Variants in ADAMTSL1 observed in about 807,000 individuals in gnomAD.
The protein encoded by ADAMTSL1 is ADAMTS like 1, also known as ADAMTS-like protein 1.
Under a neutral mutation model 201.8 loss-of-function variants are expected in ADAMTSL1, and 126 were observed. The ratio of observed to expected loss-of-function variants is 0.62; its 90% CI spans 0.54 to 0.72. ADAMTSL1 has a LOEUF of 0.72. Among genes scored for constraint, ADAMTSL1 ranks in the 30% least tolerant of loss-of-function variants. The pLI is 0.00. For missense variants in ADAMTSL1, 2,679 were observed against 2,277.8 expected (o/e 1.18, Z -3.59); for synonymous variants, 1,121 against 903.4 (o/e 1.24, Z -4.32).
chr9:18,410,530 C>A (rs1178178406), intron 2 of ADAMTSL1, among the ~76,000 whole-genome samples: 1 of 152,156 alleles, frequency 6.6e-6, no homozygotes, highest in African/African-American at 2.4e-5. Context: ...CCAATGACAT[C>A]CATGTCCCTG....
intron 1 of ADAMTSL1, among the ~76,000 whole-genome samples, chr9:17,958,152 C>A (rs1828001310): frequency 6.6e-6 from 1 of 152,140 alleles, no homozygotes; most frequent in African/African-American, 2.4e-5. Context: ...TTACCTCTTT[C>A]CATTCAAACC....
intron 15 of ADAMTSL1, among the ~76,000 whole-genome samples, chr9:18,733,797 C>T (rs571711790): frequency 1.3e-5 from 2 of 151,922 alleles, no homozygotes; most frequent in East Asian, 1.9e-4. Context: ...TTCTCAGTCA[C>T]CTTGCCTTTT....
intron 9 of ADAMTSL1, among the ~76,000 whole-genome samples, chr9:18,667,754 T>C (rs757989562): frequency 2.6e-5 from 4 of 152,164 alleles, no homozygotes; most frequent in South Asian, 4.1e-4. Context: ...AAATCAGCTT[T>C]CTCATCCATG....
At chr9:18,171,309 A>G (rs912265126) in intron 2 of ADAMTSL1, among the ~76,000 whole-genome samples, 5 of 152,110 alleles carry the variant, frequency 3.3e-5, no homozygotes, top group African/African-American at 1.2e-4. Context: ...AGACATATTA[A>G]AAGTTTAAAT....
chr9:18,615,381 G>T lies in ADAMTSL1; in HGVS notation c.475-6862G>T, dbSNP rs566031099. 5.3e-5 allele frequency among the ~76,000 whole-genome samples: 8 copies of T among 152,326 alleles called. 1 individual carries two copies. The highest frequency in any genetic ancestry group is 3.4e-3 in the Middle Eastern group (1 of 294). ...GGGCTGAGCCCCTTCCCCTTCACTTGCTATATGTGCTTCTGAGGCACAGAT... is the reference window on the plus strand; with the variant it reads ...GGGCTGAGCCCCTTCCCCTTCACTTTCTATATGTGCTTCTGAGGCACAGAT... On this transcript the variant is annotated intron_variant, in intron 4 of 28. Coordinates refer to ENST00000380548, the MANE Select transcript of ADAMTSL1 (RefSeq NM_001040272.6).
At chr9:18,293,953 A>T (rs902780654) in intron 2 of ADAMTSL1, among the ~76,000 whole-genome samples, 1 of 152,216 alleles carries the variant, frequency 6.6e-6, no homozygotes, top group Admixed American at 6.5e-5. Context: ...TGTACTAAAC[A>T]TAAAATAACA....
In ADAMTSL1 at chr9:18,143,309, G is replaced by A. The variant is rs532061675; in HGVS notation, c.88-20553G>A. 1.1e-4 allele frequency among the ~76,000 whole-genome samples: 16 copies of A among 152,234 alleles called. No homozygotes were observed. In the East Asian group the frequency reaches 2.9e-3, roughly 28 times the overall value. Reference sequence around the variant, plus strand: ...TCCTTCATTTAGCAATTACACATGGGCTCTGGTCAATTGGTTCTAATTGAA... The same window carrying A: ...TCCTTCATTTAGCAATTACACATGGACTCTGGTCAATTGGTTCTAATTGAA... On this transcript the variant is annotated intron_variant, in intron 1 of 29. Coordinates refer to the ADAMTSL1 transcript ENST00000680146.
At chr9:17,996,468 A>G (rs1433777959) in intron 1 of ADAMTSL1, among the ~76,000 whole-genome samples, 1 of 152,126 alleles carries the variant, frequency 6.6e-6, no homozygotes, top group Non-Finnish European at 1.5e-5. Flanking sequence ...CTTGCTCAGA[A>G]TGACCAGGGA....
intron 6 of ADAMTSL1, 40 bp from the exon 7 acceptor site, chr9:18,639,214 G>T (rs41268975): frequency 0.014 from 22,675 of 1,607,012 alleles, 195 homozygotes; most frequent in Non-Finnish European, 0.017. Context: ...GGTTGCCCTA[G>T]GAACATCTTT....
intron 2 of ADAMTSL1, among the ~76,000 whole-genome samples, chr9:18,266,226 T>A (rs1832112675): frequency 6.6e-6 from 1 of 152,182 alleles, no homozygotes; most frequent in African/African-American, 2.4e-5. Flanking sequence ...ATTTCTTTGC[T>A]GGTGTAACTT....
intron 2 of ADAMTSL1, among the ~76,000 whole-genome samples, chr9:18,434,378 TG>T (rs1819631563): frequency 6.6e-6 from 1 of 152,012 alleles, no homozygotes; most frequent in Non-Finnish European, 1.5e-5. Flanking sequence ...AATTCAATTT[TG>T]GCAAATTTTT....
In ADAMTSL1 at chr9:18,380,546, C is replaced by T. The variant is rs1365420906; in HGVS notation, c.208-124283C>T. On this transcript the variant is annotated intron_variant, in intron 2 of 29. Transcript: ENST00000680146. ...TTTTTCAGTTATAAATAATTTTTTA[C>T]TCATTGGCTTTACTCTTCTGGTCAT... Among the ~76,000 whole-genome samples the T allele has an allele frequency of 1.3e-5, 2 of 152,098 alleles. 1 individual carries two copies. Among genetic ancestry groups the T allele is most frequent in the African/African-American group, 4.8e-5 (2 of 41,422 alleles).
intron 3 of ADAMTSL1, among the ~76,000 whole-genome samples, chr9:18,549,348 A>C (rs1820658539): frequency 6.6e-6 from 1 of 152,066 alleles, no homozygotes; most frequent in Non-Finnish European, 1.5e-5. Context: ...CATAACTGTC[A>C]GTGTAGAATT....
At chr9:18,891,991 G>C (rs1241810698) in intron 25 of ADAMTSL1, among the ~76,000 whole-genome samples, 1 of 152,260 alleles carries the variant, frequency 6.6e-6, no homozygotes, top group Non-Finnish European at 1.5e-5. Flanking sequence ...GGTTCTAGGA[G>C]AGAATCCACT....
chr9:18,388,836 A>G (rs1837920152), intron 2 of ADAMTSL1, among the ~76,000 whole-genome samples: 1 of 151,656 alleles, frequency 6.6e-6, no homozygotes, highest in African/African-American at 2.4e-5. Flanking sequence ...GGCTCACTGC[A>G]ACCTCCGCCT....
chr9:18,544,010 T>A (rs1274371871), intron 3 of ADAMTSL1, among the ~76,000 whole-genome samples: 1 of 152,218 alleles, frequency 6.6e-6, no homozygotes. Context: ...AGGGTTCTGG[T>A]ATGAACACTC....
At chr9:18,212,601 A>G (rs1238594105) in intron 2 of ADAMTSL1, among the ~76,000 whole-genome samples, 1 of 152,194 alleles carries the variant, frequency 6.6e-6, no homozygotes, top group Non-Finnish European at 1.5e-5. Flanking sequence ...CTATCTTTGC[A>G]ATTGCATGTG....
intron 1 of ADAMTSL1, among the ~76,000 whole-genome samples, chr9:17,955,381 C>T (rs1166985707): frequency 4.6e-5 from 7 of 152,018 alleles, no homozygotes. Flanking sequence ...AAAACTCATT[C>T]CAAATTTAGG....
At chr9:18,512,074 G>A (rs542177308) in intron 2 of ADAMTSL1, among the ~76,000 whole-genome samples, 1 of 152,296 alleles carries the variant, frequency 6.6e-6, no homozygotes, top group South Asian at 2.1e-4. Flanking sequence ...GACTACTCAT[G>A]TCATTTGTAT....
Sources: allele counts gnomAD v4.1 joint callset (sites outside exome capture counted in the v4.1 genomes callset), GRCh38; gene constraint gnomAD v4.1.1; transcripts MANE v1.5; gene names NCBI Gene and HGNC (gene_info 2026-07-23, HGNC 2026-07-21).